Variants in PIK3CD observed in about 807,000 individuals in gnomAD.
PIK3CD encodes the protein phosphatidylinositol 4,5-bisphosphate 3-kinase catalytic subunit delta isoform.
Under a neutral mutation model 122.9 loss-of-function variants are expected in PIK3CD, and 20 were observed. The observed-to-expected ratio is 0.16, with a 90% confidence interval of 0.11 to 0.24. The LOEUF (loss-of-function observed/expected upper bound fraction) is 0.24. PIK3CD is among the 10% of genes least tolerant of loss of function. The pLI is 1.00. For missense variants in PIK3CD, 787 were observed against 1,406.3 expected, an observed-to-expected ratio of 0.56 and a Z score of 7.04; for synonymous variants, 596 against 593.4, an observed-to-expected ratio of 1.00 and a Z score of -0.06.
At chr1:9,684,548 AAAAAG>A (rs1645891194) in intron 1 of PIK3CD, among the ~76,000 whole-genome samples, 1 of 149,552 alleles carries the variant, frequency 6.7e-6, no homozygotes, top group East Asian at 1.9e-4. Flanking sequence ...AAAAAAAAAA[AAAAAG>A]AAAAAAGAAA....
At chr1:9,679,063 C>CTTTTT (rs148088382) in intron 1 of PIK3CD, among the ~76,000 whole-genome samples, 6 of 116,544 alleles carry the variant, frequency 5.1e-5, no homozygotes, top group East Asian at 2.5e-4. Context: ...TCAGGAGAAA[C>CTTTTT]TTTTTTTTTT....
intron 1 of PIK3CD, among the ~76,000 whole-genome samples, chr1:9,676,351 C>T (rs1046930545): frequency 1.3e-4 from 20 of 152,176 alleles, no homozygotes; most frequent in African/African-American, 3.4e-4. Flanking sequence ...CGTAAGCCAC[C>T]GTGCCCAGCC....
chr1:9,639,569 A>C, the PIK3CD span, among the ~76,000 whole-genome samples: 5 of 152,292 alleles, frequency 3.3e-5, no homozygotes, highest in Non-Finnish European at 7.4e-5. Context: ...GGGCCCCCAG[A>C]AGGGGAGGCT....
At chr1:9,629,045 C>T in the PIK3CD span, among the ~76,000 whole-genome samples, 16 of 151,756 alleles carry the variant, frequency 1.1e-4, no homozygotes, top group African/African-American at 3.4e-4. Flanking sequence ...GTATTTTCAG[C>T]GGGTTCTCTC....
In PIK3CD at chr1:9,717,674, C is replaced by T; in HGVS notation, c.1020+48C>T. The stretch of plus-strand genomic sequence containing the variant: ...GAGAGACACTGTTTTTTTGCACAAA[C>T]AAGGTGGCTGTATCCTGGAGGGGTA... On this transcript the variant is annotated intron_variant, in intron 8 of 23. Transcript: ENST00000377346. This position sits in a 1 kb window ranked among gnomAD's most constrained non-coding sequence, Gnocchi z 5.4. The T allele has an allele frequency of 1.3e-6, 2 of 1,549,612 alleles. No homozygotes were observed. Among genetic ancestry groups the T allele is most frequent in the African/African-American group, 2.7e-5 (2 of 73,762 alleles).
At position 9,715,563 on chromosome 1, in the gene PIK3CD, A is replaced by T. The variant is rs576937504; in HGVS notation, c.164A>T (p.Tyr55Phe). The T allele has an allele frequency of 6.2e-7, 1 of 1,613,594 alleles. No individual in the cohort carries two copies. Among genetic ancestry groups the T allele is most frequent in the African/African-American group, 1.3e-5 (1 of 75,068 alleles). The change falls in exon 4 of 24, where the codon TAT (tyrosine) becomes TTT (phenylalanine). Residue 55 changes from tyrosine to phenylalanine, a missense_variant. This residue lies in a region of PIK3CD where 592 missense variants were observed against 920.6 expected (regional missense o/e 0.64). Transcript: ENST00000377346. The surrounding 1 kb of genome is among the most constrained non-coding windows in gnomAD (Gnocchi z 4.1). ...CAGCTGCTGTGGCACCGCGCCCAGT[A>T]TGAGCCGCTCTTCCACATGCTCAGT... Reference protein sequence around the residue: ...IKQLLWHRAQYEPLFHMLSGP... With the variant: ...IKQLLWHRAQFEPLFHMLSGP...
chr1:9,711,084 C>T (rs1025817303), intron 3 of PIK3CD, among the ~76,000 whole-genome samples: 3 of 152,044 alleles, frequency 2.0e-5, no homozygotes, highest in Non-Finnish European at 4.4e-5. Flanking sequence ...TGCATCCAGC[C>T]GATAATGGTT....
Position 9,723,815 on chromosome 1 carries a change from G to A in PIK3CD, c.2595-154G>A, listed in dbSNP as rs77030165. On this transcript the variant is annotated intron_variant, in intron 20 of 23. Coordinates refer to ENST00000377346, the MANE Select transcript of PIK3CD (RefSeq NM_005026.5). The surrounding 1 kb of genome is among the most constrained non-coding windows in gnomAD (Gnocchi z 4.9). ...CTTCATGCCTTGGCTCTGGAATAGCGTCTGCAAGCGATGTCCAGCATTGTG... is the reference window on the plus strand; with the variant it reads ...CTTCATGCCTTGGCTCTGGAATAGCATCTGCAAGCGATGTCCAGCATTGTG... Among the ~76,000 whole-genome samples the A allele has an allele frequency of 3.8e-3, 576 of 152,286 alleles. 3 individuals carry two copies. The highest frequency in any genetic ancestry group is 0.012 in the African/African-American group (510 of 41,560).
the PIK3CD span, among the ~76,000 whole-genome samples, chr1:9,633,349 C>G: frequency 4.6e-5 from 7 of 152,250 alleles, no homozygotes; most frequent in Admixed American, 4.6e-4. Context: ...CTCTTGTCGC[C>G]CAGGCTGGAG....
rs752307280 is a variant in PIK3CD at position 9,710,237 on chromosome 1, T to TAG, written c.-32-186_-32-185dup. ...CAGCTGAGGCCGTGGCCCGGAGTAGTAGGAGCCACAAGCCACCCTGGGCAG... is the reference window on the plus strand; with the variant it reads ...CAGCTGAGGCCGTGGCCCGGAGTAGTAGAGGAGCCACAAGCCACCCTGGGCAG... On this transcript the variant is annotated intron_variant, in intron 2 of 23. Transcript: ENST00000377346. This position sits in a 1 kb window ranked among gnomAD's most constrained non-coding sequence, Gnocchi z 4.7. 5.9e-5 allele frequency: 35 copies of TAG among 597,402 alleles called. No individual in the cohort carries two copies. The highest frequency in any genetic ancestry group is 8.9e-4 in the Middle Eastern group (2 of 2,236). 37.0% of individuals were successfully genotyped at this position (597,402 alleles called of 1,614,324 possible). A position where few individuals can be genotyped will look rare whatever the true frequency, so the allele number is the denominator to read the frequency against.
At chr1:9,632,266 C>T in the PIK3CD span, among the ~76,000 whole-genome samples, 1 of 152,180 alleles carries the variant, frequency 6.6e-6, no homozygotes, top group Non-Finnish European at 1.5e-5. Context: ...CCTGCCTCTG[C>T]CTCCTAAAGT....
chr1:9,627,395 T>C, the PIK3CD span, among the ~76,000 whole-genome samples: 40 of 152,364 alleles, frequency 2.6e-4, no homozygotes, highest in African/African-American at 9.4e-4. Context: ...TGGAAACCCG[T>C]GCACGAGGCT....
chr1:9,655,897 A>G (rs1333815829), intron 1 of PIK3CD, among the ~76,000 whole-genome samples: 1 of 151,964 alleles, frequency 6.6e-6, no homozygotes, highest in Non-Finnish European at 1.5e-5. Context: ...GTGTTTTGCC[A>G]TGTTGGCCAG....
chr1:9,663,855 T>C (rs1237475061), intron 1 of PIK3CD, among the ~76,000 whole-genome samples: 1 of 151,824 alleles, frequency 6.6e-6, no homozygotes, highest in Non-Finnish European at 1.5e-5. Flanking sequence ...GTCCTTGCGA[T>C]AGTTTGCTGA....
At position 9,716,600 on chromosome 1, in the gene PIK3CD, A is replaced by C; in HGVS notation, c.761A>C (p.Tyr254Ser). 6.4e-7 allele frequency: 1 copy of C among 1,563,984 alleles called. No homozygotes were observed. The highest frequency in any genetic ancestry group is 8.7e-7 in the Non-Finnish European group (1 of 1,156,028). ...NGRHEYLYGS[Y>S]PLCQFQYICS... ...AGGCATGAGTACCTGTATGGCAGCT[A>C]CCCGCTCTGCCAGTTCCAGGTGAGG... is the stretch of plus-strand genomic sequence containing the variant. The change falls in exon 6 of 24, where the codon TAC becomes TCC. Residue 254 changes from tyrosine (Y) to serine (S), a missense_variant. Physicochemically the swap from Tyr to Ser is moderately radical, Grantham distance 144. Around this residue, in one of 6 missense-constraint regions of PIK3CD, gnomAD observed 592 missense variants for 920.6 expected, o/e 0.64. Coordinates refer to ENST00000377346, the MANE Select transcript of PIK3CD (RefSeq NM_005026.5).
Position 9,720,514 on chromosome 1 carries a change from C to T in PIK3CD, c.1471-97C>T. On this transcript the variant is annotated intron_variant, in intron 11 of 23. Coordinates refer to ENST00000377346, the MANE Select transcript of PIK3CD (RefSeq NM_005026.5). This position sits in a 1 kb window ranked among gnomAD's most constrained non-coding sequence, Gnocchi z 9.0. ...TGCGCCTCCATGCAGAGGACAGCGC[C>T]CCCTCAAGGATGATTGGGGTGGCAA... is the stretch of plus-strand genomic sequence containing the variant. 6.5e-7 allele frequency: 1 copy of T among 1,537,970 alleles called. No individual in the cohort carries two copies. Among genetic ancestry groups the T allele is most frequent in the Non-Finnish European group, 8.8e-7 (1 of 1,138,538 alleles).
chr1:9,718,409 C>T lies in PIK3CD; in HGVS notation c.1021-285C>T, dbSNP rs1647901586. ...GCAAGGGTCCCTGAAGTTCTTGATCCCTGATGGGGAAACTGAGGCCTGGAG... is the reference window on the plus strand; with the variant it reads ...GCAAGGGTCCCTGAAGTTCTTGATCTCTGATGGGGAAACTGAGGCCTGGAG... On this transcript the variant is annotated intron_variant, in intron 8 of 23. Transcript: ENST00000377346. The surrounding 1 kb of genome is among the most constrained non-coding windows in gnomAD (Gnocchi z 7.2). Among the ~76,000 whole-genome samples, 1 of 151,958 alleles carries T rather than the reference C, an allele frequency of 6.6e-6. No homozygotes were observed. The highest frequency in any genetic ancestry group is 1.5e-5 in the Non-Finnish European group (1 of 67,990).
chr1:9,673,019 G>A (rs1645380450), intron 1 of PIK3CD, among the ~76,000 whole-genome samples: 1 of 151,910 alleles, frequency 6.6e-6, no homozygotes, highest in African/African-American at 2.4e-5. Context: ...GATGGCCAAG[G>A]GCTTATGTTT....
chr1:9,706,310 G>C (rs1646829878), intron 2 of PIK3CD, among the ~76,000 whole-genome samples: 1 of 149,192 alleles, frequency 6.7e-6, no homozygotes, highest in Non-Finnish European at 1.5e-5. Flanking sequence ...GGGCAACATA[G>C]CAAGACCCTG....
Sources: gnomAD v4.1 joint callset for allele counts (sites outside exome capture counted in the v4.1 genomes callset) on GRCh38, gnomAD v4.1.1 for gene constraint, gnomAD v4.1.1 regional missense constraint, Gnocchi (gnomAD v3.1) non-coding constraint, MANE v1.5 for transcripts, NCBI Gene and HGNC (gene_info 2026-07-23, HGNC 2026-07-21) for gene names.